Variants in MYO19 observed in about 807,000 individuals in gnomAD.
The protein encoded by MYO19 is unconventional myosin-XIX.
MYO19 carries 132 observed loss-of-function variants against 129.2 expected under a neutral mutation model. The observed-to-expected ratio is 1.02, with a 90% CI of 0.89 to 1.18. The LOEUF is 1.18. Among genes scored for constraint, MYO19 ranks in the 50% most tolerant of loss-of-function variants. The pLI is 0.00. For missense variants in MYO19, 1,210 were observed against 1,216.7 expected (o/e 0.99, Z 0.08); for synonymous variants, 531 against 477.2 (o/e 1.11, Z -1.47).
At chr17:36,508,161 A>G (rs957050407) in intron 14 of MYO19, 1 of 372,988 alleles carries the variant, frequency 2.7e-6, no homozygotes, top group Admixed American at 4.2e-5. Flanking sequence ...AGGAAACCCA[A>G]ATGAAGTGTG....
chr17:36,523,413 C>G (rs562961251), intron 6 of MYO19, among the ~76,000 whole-genome samples: 1 of 152,106 alleles, frequency 6.6e-6, no homozygotes, highest in Non-Finnish European at 1.5e-5. Context: ...GATTTGCTTG[C>G]CAGTTTGACA....
intron 18 of MYO19, among the ~76,000 whole-genome samples, chr17:36,505,799 G>C (rs1048860116): frequency 6.6e-6 from 1 of 152,232 alleles, no homozygotes; most frequent in African/African-American, 2.4e-5. Context: ...GTTGGAGGCT[G>C]TGCCACAGGC....
rs755097392 is a variant in MYO19 at position 36,496,408 on chromosome 17, T to C, written c.2758-2A>G. 6.2e-7 allele frequency: 1 copy of C among 1,613,818 alleles called. No homozygotes were observed. The highest frequency in any genetic ancestry group is 1.1e-5 in the South Asian group (1 of 91,076). ...TCTGCAGTGAAACTTTATCGATCCC[T>C]AGAGGGGAGAGAGAGATGCAGCTTT... On this transcript the variant is annotated splice_acceptor_variant, in intron 25 of 25. Transcript: ENST00000614623. LOFTEE classifies it high-confidence loss of function.
chr17:36,541,976 T>C (rs2074199785), intron 2 of MYO19: 1 of 152,246 alleles, frequency 6.6e-6, no homozygotes, highest in Non-Finnish European at 1.5e-5. Flanking sequence ...CCTTGGGATA[T>C]TGATTTTATT....
upstream of MYO19, among the ~76,000 whole-genome samples, chr17:36,536,176 T>G (rs1046221765): frequency 1.6e-4 from 24 of 152,208 alleles, no homozygotes; most frequent in Admixed American, 1.1e-3. Context: ...CATCCATTCT[T>G]AATGCACCCA....
chr17:36,534,241 C>A lies in MYO19; in HGVS notation c.-295-137G>T, dbSNP rs112395663. 5.9e-5 allele frequency: 9 copies of A among 152,404 alleles called. No homozygotes were observed. The South Asian group carries it at 1.9e-3, about 32-fold the overall frequency. 9.4% of individuals were successfully genotyped at this position (152,404 alleles called of 1,614,324 possible). On this transcript the variant is annotated intron_variant, in intron 1 of 25. Transcript: ENST00000614623. ...CAGTGGGAGGGCAGACGCTGAGAAG[C>A]GCTGGGTAAGGATCTCATCAGTCCA...
At chr17:36,543,214 G>A (rs1332050637) in exon 1 of MYO19, 1 of 152,020 alleles carries the variant, frequency 6.6e-6, no homozygotes, top group East Asian at 1.9e-4. Context: ...GGAGCACAAT[G>A]GCGCGATCTC....
chr17:36,505,248 T>C (rs1173674652), intron 19 of MYO19, 49 bp downstream of exon 19: 1 of 1,518,032 alleles, frequency 6.6e-7, no homozygotes, highest in Non-Finnish European at 9.2e-7. Flanking sequence ...TCCAGGGCCT[T>C]GGCCAGATGG....
chr17:36,508,732 C>T (rs982839263), intron 14 of MYO19: 2 of 302,166 alleles, frequency 6.6e-6, no homozygotes, highest in Non-Finnish European at 1.2e-5. Context: ...TGCCAGCCTC[C>T]AAAGTCCCTT....
Position 36,508,622 on chromosome 17 carries a change from G to A in MYO19, c.1231+440C>T, listed in dbSNP as rs28379521. On this transcript the variant is annotated intron_variant, in intron 14 of 25. Coordinates refer to ENST00000614623, the MANE Select transcript of MYO19 (RefSeq NM_001163735.2). ...TGCCTGGCTAATTTCTTTGAAATGG[G>A]GTCTTGCTATATTGCCCAGGCTGGT... is the stretch of plus-strand genomic sequence containing the variant. 551 of 174,544 alleles carry A rather than the reference G, an allele frequency of 3.2e-3. 9 individuals are homozygous for A. The highest frequency in any genetic ancestry group is 0.012 in the African/African-American group (484 of 42,082). The allele number at this position is 174,544 out of a possible 1,614,324, so 10.8% of individuals were successfully genotyped here.
chr17:36,496,175 C>T lies in MYO19; in HGVS notation c.*76G>A, dbSNP rs549465909. The T allele has an allele frequency of 3.7e-5, 58 of 1,554,734 alleles. No individual in the cohort carries two copies. The Admixed American group carries it at 5.0e-4, about 13-fold the overall frequency. On this transcript the variant is annotated 3_prime_UTR_variant, in exon 26 of 26. Transcript: ENST00000614623. Reference sequence around the variant, plus strand: ...TTGGAGCACTGTGGGAATAGTCTGGCAGCTGTGTGCTGATTAAATGTCTTT... The same window carrying T: ...TTGGAGCACTGTGGGAATAGTCTGGTAGCTGTGTGCTGATTAAATGTCTTT...
chr17:36,496,551 C>T, intron 25 of MYO19, 145 bp from the exon 26 acceptor site: 1 of 730,956 alleles, frequency 1.4e-6, no homozygotes, highest in Admixed American at 2.6e-5. Context: ...AATAGCATTA[C>T]ATCCACTCAG....
At position 36,510,886 on chromosome 17, in the gene MYO19, C is replaced by A; in HGVS notation, c.1017G>T (p.Gly339=). ...YSVRTAASLL[G]LPEDVLLEMV... ...TCTCCAGCAGCACGTCCTCTGGGAG[C>A]CCCAGCAGCGAGGCTGCCGTCCTGA... Residue 339 remains glycine, a synonymous_variant, in exon 13 of 26, where the codon GGG becomes GGT. Coordinates refer to ENST00000614623, the MANE Select transcript of MYO19 (RefSeq NM_001163735.2). 1 of 1,581,774 alleles carries A rather than the reference C, an allele frequency of 6.3e-7. No homozygotes were observed.
chr17:36,527,556 G>A lies in MYO19; in HGVS notation c.295C>T (p.Pro99Ser). ...LMREYHAAPQ[P>S]QKLKPHVFTV... ...AGGCAGCGGCAGAGCCTTACCTGGG[G>A]CTGAGGCGCAGCATGGTACTCTCTC... Residue 99 changes from proline (P) to serine (S), a missense_variant, in exon 5 of 26, where the codon CCC (proline) becomes TCC (serine). Pro to Ser is a moderately conservative substitution (Grantham distance 74). Transcript: ENST00000614623. The A allele has an allele frequency of 6.2e-7, 1 of 1,613,504 alleles. No individual in the cohort carries two copies.
chr17:36,498,035 AATAATT>A, intron 25 of MYO19: 1 of 525,306 alleles, frequency 1.9e-6, no homozygotes, highest in South Asian at 3.4e-5. Context: ...GAGATGCTGA[AATAATT>A]AGAAGCAGTT....
intron 1 of MYO19, among the ~76,000 whole-genome samples, chr17:36,542,725 G>T (rs1228803582): frequency 6.6e-6 from 1 of 151,636 alleles, no homozygotes; most frequent in Non-Finnish European, 1.5e-5. Flanking sequence ...TTTAAAGTGG[G>T]TACATTAATT....
intron 8 of MYO19, among the ~76,000 whole-genome samples, chr17:36,514,853 T>C (rs531988288): frequency 6.6e-6 from 1 of 152,240 alleles, no homozygotes; most frequent in Non-Finnish European, 1.5e-5. Context: ...CAATTTAGCT[T>C]GAAGTCCCTG....
Position 36,513,427 on chromosome 17 carries a change from A to C in MYO19, c.894+2T>G. ...CTTAAGTGGCGTGGCTTTTCTTCTG[A>C]CCTTAAAGATGTTGTTCTGGGTAGG... On this transcript the variant is annotated splice_donor_variant, in intron 11 of 25. Transcript: ENST00000614623. LOFTEE classifies it high-confidence loss of function. 1 of 1,614,026 alleles carries C rather than the reference A, an allele frequency of 6.2e-7. No homozygotes were observed. The highest frequency in any genetic ancestry group is 8.5e-7 in the Non-Finnish European group (1 of 1,179,896).
Position 36,509,153 on chromosome 17 carries a change from T to G in MYO19, c.1158-18A>C. ...CAAACAACCTGTTGGGGGAAGAGAGTGGACTCTGGTAAGAGGGTCTGGCTG... is the reference window on the plus strand; with the variant it reads ...CAAACAACCTGTTGGGGGAAGAGAGGGGACTCTGGTAAGAGGGTCTGGCTG... On this transcript the variant is annotated intron_variant, in intron 13 of 25. Transcript: ENST00000614623. The G allele has an allele frequency of 1.9e-6, 3 of 1,612,054 alleles. No homozygotes were observed. Among genetic ancestry groups the G allele is most frequent in the Non-Finnish European group, 2.5e-6 (3 of 1,178,720 alleles).
Sources: allele counts gnomAD v4.1 joint callset (sites outside exome capture counted in the v4.1 genomes callset), GRCh38; gene constraint gnomAD v4.1.1; transcripts MANE v1.5; gene names NCBI Gene and HGNC (gene_info 2026-07-23, HGNC 2026-07-21).